Variants in SRGAP3 observed in about 807,000 individuals in gnomAD.
The protein encoded by SRGAP3 is SLIT-ROBO Rho GTPase activating protein 3.
In SRGAP3, 39 loss-of-function variants were observed where a neutral mutation model predicts 121.1. The observed-to-expected ratio is 0.32, with a 90% CI of 0.25 to 0.42. The LOEUF is 0.42. Among genes scored for constraint, SRGAP3 ranks in the 10% least tolerant of loss-of-function variants. The pLI, the probability that SRGAP3 is intolerant of heterozygous loss-of-function variation, is 1.00. For synonymous variants in SRGAP3, 601 were observed against 570.0 expected (o/e 1.05, Z -0.77); for missense variants, 1,213 against 1,470.6 (o/e 0.82, Z 2.86).
At chr3:9,016,728 T>C (rs1396842830) in intron 14 of SRGAP3, among the ~76,000 whole-genome samples, 1 of 152,272 alleles carries the variant, frequency 6.6e-6, no homozygotes, top group Non-Finnish European at 1.5e-5. Flanking sequence ...CATCCAGTGA[T>C]GATTTTTGCC....
chr3:9,108,928 C>G (rs1948518960), intron 2 of SRGAP3, among the ~76,000 whole-genome samples: 2 of 152,098 alleles, frequency 1.3e-5, no homozygotes, highest in African/African-American at 4.8e-5. Context: ...TGGAAAACAG[C>G]AGAAAGAGGA....
intron 1 of SRGAP3, among the ~76,000 whole-genome samples, chr3:9,233,001 C>A (rs1165554389): frequency 6.6e-6 from 1 of 152,226 alleles, no homozygotes; most frequent in African/African-American, 2.4e-5. Flanking sequence ...CCTTCCCAAC[C>A]AGGTGCACTT....
At chr3:9,050,368 T>C (rs183869952) in intron 9 of SRGAP3, among the ~76,000 whole-genome samples, 1 of 152,342 alleles carries the variant, frequency 6.6e-6, no homozygotes, top group East Asian at 1.9e-4. Flanking sequence ...GCCTAACTCA[T>C]GCCTTGGCAG....
At chr3:9,323,644 C>T (rs1225019944) in intron 3 of SRGAP3, among the ~76,000 whole-genome samples, 1 of 151,776 alleles carries the variant, frequency 6.6e-6, no homozygotes, top group Non-Finnish European at 1.5e-5. Context: ...TCAGATACTA[C>T]TTAACAATGC....
At chr3:9,172,813 G>A (rs1000849457) in intron 1 of SRGAP3, among the ~76,000 whole-genome samples, 3 of 152,224 alleles carry the variant, frequency 2.0e-5, no homozygotes, top group Non-Finnish European at 1.5e-5. Flanking sequence ...AAGGGCAAGC[G>A]CAGACTAGAA....
intron 3 of SRGAP3, among the ~76,000 whole-genome samples, chr3:9,087,103 T>G (rs891724786): frequency 2.0e-5 from 3 of 152,078 alleles, no homozygotes; most frequent in Admixed American, 6.6e-5. Context: ...TATGTGTGTA[T>G]ATATATTTAT....
chr3:9,002,713 T>C (rs533948703), intron 18 of SRGAP3, among the ~76,000 whole-genome samples: 2 of 151,572 alleles, frequency 1.3e-5, no homozygotes, highest in South Asian at 2.1e-4. Flanking sequence ...CAAGAAAACA[T>C]GAGAGAGGAT....
chr3:9,312,457 G>A (rs770386141), intron 3 of SRGAP3, among the ~76,000 whole-genome samples: 8 of 152,154 alleles, frequency 5.3e-5, no homozygotes, highest in South Asian at 2.1e-4. Context: ...GCACCTGGCC[G>A]AGATTCAATT....
chr3:9,039,210 C>G (rs1367001798), intron 10 of SRGAP3, among the ~76,000 whole-genome samples: 1 of 152,206 alleles, frequency 6.6e-6, no homozygotes, highest in Non-Finnish European at 1.5e-5. Flanking sequence ...AAGCTCTCTA[C>G]TCTTCACTTT....
intron 1 of SRGAP3, chr3:9,348,325 TGAAAA>T (rs1392072324): frequency 3.1e-5 from 12 of 385,228 alleles, no homozygotes; most frequent in Middle Eastern, 1.6e-3. Flanking sequence ...AGACAAAGAG[TGAAAA>T]GAAGAGTGGA....
intron 1 of SRGAP3, among the ~76,000 whole-genome samples, chr3:9,154,651 C>T (rs992986699): frequency 9.2e-5 from 14 of 152,164 alleles, no homozygotes; most frequent in African/African-American, 2.9e-4. Context: ...TCACCAACTG[C>T]GGGCTGAGCG....
Position 8,985,998 on chromosome 3 carries a change from T to G in SRGAP3, c.2887-66A>C. 1.3e-6 allele frequency: 2 copies of G among 1,597,672 alleles called. No individual in the cohort carries two copies. The highest frequency in any genetic ancestry group is 1.7e-6 in the Non-Finnish European group (2 of 1,179,124). On this transcript the variant is annotated intron_variant, in intron 21 of 21. Transcript: ENST00000383836. The surrounding 1 kb of genome is among the most constrained non-coding windows in gnomAD (Gnocchi z 5.1). ...CTGGAGTCAGGTCCTTCCTGTCTGC[T>G]AAGCAGCTTCCCTTCGTAGGCAGGT...
intron 1 of SRGAP3, among the ~76,000 whole-genome samples, chr3:9,359,777 T>C (rs2030699939): frequency 6.6e-6 from 1 of 152,252 alleles, no homozygotes; most frequent in Admixed American, 6.5e-5. Context: ...CAATGTATCA[T>C]ATCACAGTAT....
chr3:9,176,437 CA>C (rs1343811022), intron 1 of SRGAP3, among the ~76,000 whole-genome samples: 1 of 152,188 alleles, frequency 6.6e-6, no homozygotes, highest in Non-Finnish European at 1.5e-5. Context: ...TGTGACTCTC[CA>C]AAAGGAGCAC....
intron 18 of SRGAP3, among the ~76,000 whole-genome samples, chr3:8,996,512 C>T (rs1457379231): frequency 2.0e-5 from 3 of 152,150 alleles, no homozygotes; most frequent in Non-Finnish European, 4.4e-5. Context: ...GCTAGCTACC[C>T]GACAAATGTC....
intron 18 of SRGAP3, among the ~76,000 whole-genome samples, 192 bp from the exon 19 acceptor site, chr3:8,994,715 C>A (rs945533980): frequency 2.0e-5 from 3 of 152,196 alleles, no homozygotes; most frequent in African/African-American, 7.2e-5. Context: ...CACCCTGCAA[C>A]CTCAGGAAAA....
At chr3:9,156,646 A>C (rs1211610161) in intron 1 of SRGAP3, among the ~76,000 whole-genome samples, 1 of 152,212 alleles carries the variant, frequency 6.6e-6, no homozygotes, top group Non-Finnish European at 1.5e-5. Context: ...GTCAAGGGGC[A>C]CTTTAAGACC....
At chr3:9,339,120 C>G (rs1189315751) in intron 1 of SRGAP3, among the ~76,000 whole-genome samples, 1 of 152,202 alleles carries the variant, frequency 6.6e-6, no homozygotes, top group Non-Finnish European at 1.5e-5. Context: ...ATATTTGAAT[C>G]CTGTCAGCCC....
chr3:9,304,295 C>T (rs754703222), intron 3 of SRGAP3, among the ~76,000 whole-genome samples: 1 of 152,330 alleles, frequency 6.6e-6, no homozygotes, highest in East Asian at 1.9e-4. Context: ...TGCCCACTTG[C>T]CCTCCCTCCT....
Sources: allele counts gnomAD v4.1 joint callset (sites outside exome capture counted in the v4.1 genomes callset), GRCh38; gene constraint gnomAD v4.1.1; non-coding constraint Gnocchi (gnomAD v3.1); transcripts MANE v1.5; gene names NCBI Gene and HGNC (gene_info 2026-07-23, HGNC 2026-07-21).